PTPRD: variants seen among roughly 807,000 people sequenced by gnomAD.
PTPRD encodes receptor-type tyrosine-protein phosphatase delta.
PTPRD carries 34 observed loss-of-function variants against 214.5 expected under a neutral mutation model. That is an observed-to-expected ratio of 0.16 (90% CI 0.12 to 0.21). The LOEUF (loss-of-function observed/expected upper bound fraction) is 0.21, where lower values mean the gene tolerates loss of function less well. Ranked by LOEUF, PTPRD falls within the 10% of genes least tolerant of loss-of-function variation. The pLI, the probability that PTPRD is intolerant of heterozygous loss-of-function variation, is 1.00. For missense variants in PTPRD, 2,545 were observed against 2,398.7 expected (o/e 1.06, Z -1.27); for synonymous variants, 1,128 against 845.7 (o/e 1.33, Z -5.79).
At chr9:8,620,775 T>C (rs548029242) in intron 14 of PTPRD, among the ~76,000 whole-genome samples, 15 of 152,108 alleles carry the variant, frequency 9.9e-5, no homozygotes, top group African/African-American at 2.9e-4. Flanking sequence ...ATTATAAACA[T>C]TGGGCAAAGT....
At chr9:8,865,125 C>G (rs1269413576) in intron 11 of PTPRD, among the ~76,000 whole-genome samples, 2 of 149,628 alleles carry the variant, frequency 1.3e-5, no homozygotes, top group Non-Finnish European at 3.0e-5. Context: ...GTTCTGTTAT[C>G]ACTTTTTAAA....
chr9:9,851,052 C>T (rs2060462576), intron 5 of PTPRD, among the ~76,000 whole-genome samples: 1 of 152,126 alleles, frequency 6.6e-6, no homozygotes, highest in African/African-American at 2.4e-5. Flanking sequence ...GATTCTTTAT[C>T]TGCAAATTGG....
chr9:9,164,831 G>T (rs888399043), intron 10 of PTPRD, among the ~76,000 whole-genome samples: 1 of 147,074 alleles, frequency 6.8e-6, no homozygotes, highest in Non-Finnish European at 1.5e-5. Flanking sequence ...TGGCCAACAT[G>T]ATGAAATCCT....
At chr9:8,621,844 C>A (rs1033765858) in intron 14 of PTPRD, among the ~76,000 whole-genome samples, 3 of 151,832 alleles carry the variant, frequency 2.0e-5, no homozygotes, top group Non-Finnish European at 4.4e-5. Flanking sequence ...GGATACAGGG[C>A]TCTAATCCAA....
intron 2 of PTPRD, among the ~76,000 whole-genome samples, chr9:10,541,371 T>C (rs766961059): frequency 2.0e-4 from 30 of 152,144 alleles, no homozygotes; most frequent in Non-Finnish European, 3.8e-4. Context: ...TTTCCAGTTC[T>C]ATACAGTCAC....
chr9:8,562,581 CAT>C (rs1389663316), intron 14 of PTPRD, among the ~76,000 whole-genome samples: 1 of 152,030 alleles, frequency 6.6e-6, no homozygotes, highest in Non-Finnish European at 1.5e-5. Flanking sequence ...GGACTACAGA[CAT>C]GTGCTGCCAC....
At chr9:10,138,976 A>G (rs1438763294) in intron 3 of PTPRD, among the ~76,000 whole-genome samples, 1 of 151,942 alleles carries the variant, frequency 6.6e-6, no homozygotes, top group Non-Finnish European at 1.5e-5. Context: ...ACCCCCCTTG[A>G]GAACAAGGCA....
intron 2 of PTPRD, among the ~76,000 whole-genome samples, chr9:10,364,010 T>TG: frequency 2.2e-5 from 3 of 136,472 alleles, no homozygotes; most frequent in African/African-American, 5.6e-5. Context: ...TTTTTTTTTT[T>TG]TTTTTTTGAG....
intron 44 of PTPRD, among the ~76,000 whole-genome samples, chr9:8,328,430 G>T (rs1267357184): frequency 6.6e-6 from 1 of 152,116 alleles, no homozygotes; most frequent in East Asian, 1.9e-4. Context: ...GCCGACATTT[G>T]TCTCTGGCTG....
At chr9:10,040,507 T>C (rs2097276762) in intron 3 of PTPRD, among the ~76,000 whole-genome samples, 1 of 152,018 alleles carries the variant, frequency 6.6e-6, no homozygotes, top group African/African-American at 2.4e-5. Context: ...TTCACCCTTG[T>C]TTTTCCAAAT....
chr9:9,647,414 C>G (rs532731190), intron 7 of PTPRD, among the ~76,000 whole-genome samples: 1 of 151,942 alleles, frequency 6.6e-6, no homozygotes, highest in East Asian at 1.9e-4. Context: ...CTTTTGGTTA[C>G]GGGTGAATAA....
chr9:10,223,550 G>C (rs992267123), intron 3 of PTPRD, among the ~76,000 whole-genome samples: 28 of 151,812 alleles, frequency 1.8e-4, no homozygotes, highest in African/African-American at 6.0e-4. Flanking sequence ...TGTCATCCCA[G>C]CTACTCAAGA....
At chr9:8,726,044 C>CACAA (rs1164139158) in intron 12 of PTPRD, among the ~76,000 whole-genome samples, 1 of 146,330 alleles carries the variant, frequency 6.8e-6, no homozygotes, top group African/African-American at 2.6e-5. Context: ...CACACACACA[C>CACAA]ACACACACAC....
chr9:10,496,459 C>T (rs1275502266), intron 2 of PTPRD, among the ~76,000 whole-genome samples: 2 of 151,768 alleles, frequency 1.3e-5, no homozygotes, highest in African/African-American at 4.8e-5. Context: ...TTTGTTTTTG[C>T]ACTAAGAATA....
intron 11 of PTPRD, among the ~76,000 whole-genome samples, chr9:8,957,909 T>A (rs2099139678): frequency 6.6e-6 from 1 of 151,248 alleles, no homozygotes; most frequent in Non-Finnish European, 1.5e-5. Context: ...AAAAAAAAAA[T>A]ATCATTCTCA....
chr9:9,434,059 C>T (rs1030506176), intron 8 of PTPRD, among the ~76,000 whole-genome samples: 1 of 152,188 alleles, frequency 6.6e-6, no homozygotes, highest in African/African-American at 2.4e-5. Context: ...AGAGGACATT[C>T]TGTCAGTCTG....
intron 2 of PTPRD, among the ~76,000 whole-genome samples, chr9:10,431,323 A>G: frequency 6.6e-6 from 1 of 152,040 alleles, no homozygotes; most frequent in Non-Finnish European, 1.5e-5. Context: ...ACCTAAAACC[A>G]TAAAAACCCT....
At chr9:9,449,614 T>C (rs752046087) in intron 8 of PTPRD, among the ~76,000 whole-genome samples, 2 of 152,004 alleles carry the variant, frequency 1.3e-5, no homozygotes, top group African/African-American at 2.4e-5. Context: ...CTTGCAAACA[T>C]ATAGTGTGTA....
chr9:9,892,195 A>C (rs191387885), intron 5 of PTPRD, among the ~76,000 whole-genome samples: 68 of 152,238 alleles, frequency 4.5e-4, no homozygotes, highest in African/African-American at 1.6e-3. Context: ...ATGAATCAGC[A>C]AAAGGAAAAT....
Sources: gnomAD v4.1 joint callset for allele counts (sites outside exome capture counted in the v4.1 genomes callset) on GRCh38, gnomAD v4.1.1 for gene constraint, MANE v1.5 for transcripts, NCBI Gene and HGNC (gene_info 2026-07-23, HGNC 2026-07-21) for gene names.